CASK: variants seen among roughly 807,000 people sequenced by gnomAD.
The protein encoded by CASK is peripheral plasma membrane protein CASK.
In CASK, 4 loss-of-function variants were observed where a neutral mutation model predicts 82.9. The ratio of observed to expected loss-of-function variants is 0.05; its 90% confidence interval spans 0.02 to 0.11. The LOEUF (loss-of-function observed/expected upper bound fraction) is 0.11. Among genes scored for constraint, CASK ranks in the 10% least tolerant of loss-of-function variants. CASK has a pLI of 1.00. For missense variants in CASK, 358 were observed against 720.9 expected, an observed-to-expected ratio of 0.50 and a Z score of 5.76; for synonymous variants, 259 against 253.5, an observed-to-expected ratio of 1.02 and a Z score of -0.20.
chrX:41,830,806 C>T (rs1215947223), intron 2 of CASK, among the ~76,000 whole-genome samples: 1 of 79,647 alleles, frequency 1.3e-5, no homozygotes, highest in Non-Finnish European at 2.3e-5. Flanking sequence ...GGCGACAGAG[C>T]GAGACTCTGC....
Position 41,524,036 on chromosome X carries a change from T to TGTG in CASK, c.2521-5_2521-3dup. ...TGCAGTTCTCAGGACCTTCAGTGCC[T>TGTG]GTGTTAAGAAAAAAAAAAAAAATCC... On this transcript the variant is annotated splice_polypyrimidine_tract_variant and splice_region_variant and intron_variant, in intron 25 of 26. Coordinates refer to ENST00000378163, the MANE Select transcript of CASK (RefSeq NM_001367721.1). The TGTG allele has an allele frequency of 8.8e-7, 1 of 1,135,562 alleles. No homozygotes were observed. The highest frequency in any genetic ancestry group is 1.9e-5 in the South Asian group (1 of 51,294). 93.6% of individuals were successfully genotyped at this position (1,135,562 alleles called of 1,213,427 possible).
intron 18 of CASK, chrX:41,558,773 T>C (rs1182499923): frequency 8.9e-6 from 1 of 111,835 alleles, no homozygotes; most frequent in Non-Finnish European, 1.9e-5. Context: ...GACAAAACTA[T>C]ACATTTTAAT....
intron 1 of CASK, among the ~76,000 whole-genome samples, chrX:41,920,246 G>T (rs1427056149): frequency 8.9e-6 from 1 of 112,142 alleles, no homozygotes; most frequent in African/African-American, 3.2e-5. Flanking sequence ...CAATAAAAAG[G>T]TTTTCAGTAC....
chrX:41,900,070 G>A (rs771624770), intron 1 of CASK, among the ~76,000 whole-genome samples: 318 of 105,922 alleles, frequency 3.0e-3, no homozygotes, highest in Middle Eastern at 9.7e-3. Context: ...TTCTTTCAGC[G>A]CTTTGAATAT....
At chrX:41,784,128 G>A (rs1246275245) in intron 3 of CASK, among the ~76,000 whole-genome samples, 3 of 111,405 alleles carry the variant, frequency 2.7e-5, no homozygotes, top group Admixed American at 9.6e-5. Context: ...TGTGGTCTGC[G>A]GTTTTTCTTT....
chrX:41,621,702 T>C (rs1183888435), intron 11 of CASK, among the ~76,000 whole-genome samples: 1 of 112,237 alleles, frequency 8.9e-6, no homozygotes, highest in Non-Finnish European at 1.9e-5. Context: ...AGGTAACTAA[T>C]ATACTATAAG....
chrX:41,774,772 C>T (rs1437676267), intron 3 of CASK, among the ~76,000 whole-genome samples: 4 of 109,442 alleles, frequency 3.7e-5, no homozygotes, highest in African/African-American at 1.0e-4. Flanking sequence ...CTGAGAAAAA[C>T]AAGCAATGGG....
intron 7 of CASK, 66 bp from the exon 8 acceptor site, chrX:41,660,627 A>G: frequency 9.5e-7 from 1 of 1,055,671 alleles, no homozygotes; most frequent in Non-Finnish European, 1.3e-6. Context: ...ACTATTATTT[A>G]ATATTCCTAT....
At chrX:41,602,301 A>G (rs1356528163) in intron 12 of CASK, among the ~76,000 whole-genome samples, 3 of 111,570 alleles carry the variant, frequency 2.7e-5, no homozygotes, top group African/African-American at 9.8e-5. Flanking sequence ...TTTAGTTTTC[A>G]GTATACAAAT....
intron 2 of CASK, among the ~76,000 whole-genome samples, chrX:41,827,891 A>G (rs1442711688): frequency 8.9e-6 from 1 of 112,234 alleles, no homozygotes; most frequent in Non-Finnish European, 1.9e-5. Context: ...AATAATTAAG[A>G]TAAACAAATG....
chrX:41,578,498 G>A lies in CASK; in HGVS notation c.1345C>T (p.His449Tyr). The change falls in exon 15 of 27, where the codon CAT becomes TAT. Residue 449 changes from histidine to tyrosine, a missense_variant. This residue lies in a region of CASK where 110 missense variants were observed against 218.8 expected (regional missense o/e 0.50). Coordinates refer to ENST00000378163, the MANE Select transcript of CASK (RefSeq NM_001367721.1). The stretch of plus-strand genomic sequence containing the variant: ...AATGCTTCATCACTGTAAACTTCAT[G>A]TGCCACTACGTCGTGAGTCTGAAGT... ...ALLQTHDVVA[H>Y]EVYSDEALRV... 2.8e-5 allele frequency: 34 copies of A among 1,207,838 alleles called. No homozygotes were observed. Among genetic ancestry groups the A allele is most frequent in the Non-Finnish European group, 3.7e-5 (33 of 892,061 alleles).
At chrX:41,905,349 C>T (rs2072452322) in intron 1 of CASK, among the ~76,000 whole-genome samples, 1 of 111,939 alleles carries the variant, frequency 8.9e-6, no homozygotes, top group Admixed American at 9.5e-5. Flanking sequence ...TTCTACATTC[C>T]CACCAACGTA....
chrX:41,757,853 T>C (rs2068926386), intron 3 of CASK, among the ~76,000 whole-genome samples: 1 of 112,049 alleles, frequency 8.9e-6, no homozygotes, highest in South Asian at 3.7e-4. Flanking sequence ...CAATTGTCTA[T>C]AGACAAATAG....
chrX:41,902,962 G>A (rs143062988), intron 1 of CASK, among the ~76,000 whole-genome samples: 221 of 111,901 alleles, frequency 2.0e-3, no homozygotes, highest in African/African-American at 6.6e-3. Context: ...AGTGTGGGTG[G>A]GGATTAAAGA....
At chrX:41,867,374 C>A (rs762998619) in intron 1 of CASK, among the ~76,000 whole-genome samples, 1 of 112,231 alleles carries the variant, frequency 8.9e-6, no homozygotes, top group Non-Finnish European at 1.9e-5. Context: ...CAGACACTTA[C>A]ATTAGCATAG....
chrX:41,857,113 A>G lies in CASK; in HGVS notation c.60-3886T>C, dbSNP rs1340707475. ...CCCAAAGTCAACACGTTCCACCTGC[A>G]CCTTCGGAGCTCTCTTAATCAGCTT... On this transcript the variant is annotated intron_variant, in intron 1 of 26. Transcript: ENST00000378163. Among the ~76,000 whole-genome samples the G allele has an allele frequency of 2.5e-4, 28 of 111,200 alleles. No individual in the cohort carries two copies. The Admixed American group carries it at 2.7e-3, about 11-fold the overall frequency.
At chrX:41,797,576 C>T (rs1341298536) in intron 2 of CASK, among the ~76,000 whole-genome samples, 2 of 111,815 alleles carry the variant, frequency 1.8e-5, no homozygotes, top group Non-Finnish European at 3.8e-5. Context: ...CATCTCCTGT[C>T]TCACATCAAA....
intron 5 of CASK, among the ~76,000 whole-genome samples, chrX:41,685,912 G>C (rs1189263924): frequency 9.0e-6 from 1 of 111,376 alleles, no homozygotes. Flanking sequence ...TGAGGAAGGA[G>C]AGGGGTTCCT....
intron 2 of CASK, among the ~76,000 whole-genome samples, chrX:41,792,998 T>A (rs2069766418): frequency 8.9e-6 from 1 of 111,923 alleles, no homozygotes; most frequent in African/African-American, 3.2e-5. Context: ...ATTTATAATG[T>A]CAGTCATTCC....
Sources: allele counts gnomAD v4.1 joint callset (sites outside exome capture counted in the v4.1 genomes callset), GRCh38; gene constraint gnomAD v4.1.1; regional missense constraint gnomAD v4.1.1; transcripts MANE v1.5; gene names NCBI Gene and HGNC (gene_info 2026-07-23, HGNC 2026-07-21).